The following CHD6 variants were observed in gnomAD, a reference collection of about 807,000 sequenced individuals.
The protein encoded by CHD6 is ATP-dependent chromatin remodeler CHD6.
CHD6 carries 50 observed loss-of-function variants against 276.9 expected under a neutral mutation model. That is an observed-to-expected ratio of 0.18 (90% CI 0.14 to 0.23). The LOEUF is 0.23. Ranked by LOEUF, CHD6 falls within the 10% of genes least tolerant of loss-of-function variation. The pLI is 1.00. For missense variants in CHD6, 2,564 were observed against 3,365.8 expected, an observed-to-expected ratio of 0.76 and a Z score of 5.89; for synonymous variants, 1,173 against 1,229.3, an observed-to-expected ratio of 0.95 and a Z score of 0.96.
At chr20:41,549,264 C>T (rs2146139441) in intron 2 of CHD6, among the ~76,000 whole-genome samples, 1 of 151,716 alleles carries the variant, frequency 6.6e-6, no homozygotes. Flanking sequence ...CAACGATAGA[C>T]TGGATTAAGA....
chr20:41,557,522 C>CA (rs944367329), intron 1 of CHD6, among the ~76,000 whole-genome samples: 6 of 151,524 alleles, frequency 4.0e-5, no homozygotes, highest in Admixed American at 3.3e-4. Flanking sequence ...TAAAAAATAA[C>CA]AAAAAAATCA....
intron 4 of CHD6, 128 bp downstream of exon 4, chr20:41,514,677 A>T: frequency 9.5e-7 from 1 of 1,053,762 alleles, no homozygotes; most frequent in Non-Finnish European, 1.4e-6. Context: ...ACCCACCAAA[A>T]CGGTAAAAGC....
Position 41,539,227 on chromosome 20 carries a change from A to G in CHD6, c.34-5657T>C, listed in dbSNP as rs539559231. On this transcript the variant is annotated intron_variant, in intron 2 of 36. Transcript: ENST00000373233. ...CTCTTCGCTTCTCACTGGCTCTGTG[A>G]GGTGTGCTGCTCTCTTCTCTCTAGG... Among the ~76,000 whole-genome samples the G allele has an allele frequency of 3.3e-5, 5 of 152,282 alleles. No homozygotes were observed. The South Asian group carries it at 1.0e-3, about 32-fold the overall frequency.
At chr20:41,545,101 T>C (rs2146123587) in intron 2 of CHD6, among the ~76,000 whole-genome samples, 1 of 152,156 alleles carries the variant, frequency 6.6e-6, no homozygotes, top group East Asian at 1.9e-4. Flanking sequence ...TGTCCTTCTT[T>C]ATATGAAGCC....
At chr20:41,595,539 T>C (rs1280230950) in intron 1 of CHD6, among the ~76,000 whole-genome samples, 1 of 151,730 alleles carries the variant, frequency 6.6e-6, no homozygotes, top group African/African-American at 2.4e-5. Context: ...GTGCAAGAAA[T>C]CTCTAGTAAG....
intron 3 of CHD6, among the ~76,000 whole-genome samples, chr20:41,529,420 G>A (rs190168800): frequency 6.6e-6 from 1 of 152,270 alleles, no homozygotes; most frequent in Admixed American, 6.5e-5. Flanking sequence ...ACACACATCT[G>A]TGAATGACCT....
chr20:41,541,720 G>A (rs921285289), intron 2 of CHD6, among the ~76,000 whole-genome samples: 1 of 152,196 alleles, frequency 6.6e-6, no homozygotes, highest in African/African-American at 2.4e-5. Flanking sequence ...GGTGTCAAAC[G>A]CTGCTGAGAA....
intron 3 of CHD6, among the ~76,000 whole-genome samples, chr20:41,519,406 G>A (rs1042366151): frequency 1.3e-5 from 2 of 152,220 alleles, no homozygotes; most frequent in South Asian, 2.1e-4. Flanking sequence ...TATATCACAC[G>A]ATATAAAAAC....
chr20:41,463,417 G>A (rs1473139918), intron 17 of CHD6, among the ~76,000 whole-genome samples: 1 of 152,106 alleles, frequency 6.6e-6, no homozygotes, highest in Non-Finnish European at 1.5e-5. Flanking sequence ...TATTTTCAAA[G>A]GGAAAAACAG....
intron 1 of CHD6, among the ~76,000 whole-genome samples, chr20:41,599,871 AT>A (rs1356221360): frequency 2.6e-5 from 4 of 152,258 alleles, no homozygotes; most frequent in African/African-American, 9.6e-5. Flanking sequence ...GCCTTATTCC[AT>A]TTTAAACACT....
intron 24 of CHD6, 44 bp from the exon 25 acceptor site, chr20:41,445,812 T>C (rs2048049269): frequency 7.1e-6 from 9 of 1,271,642 alleles, no homozygotes; most frequent in Non-Finnish European, 1.0e-5. Context: ...CAAAAGCTAC[T>C]GGTCCAACCC....
At chr20:41,488,212 C>A (rs911815921) in intron 13 of CHD6, among the ~76,000 whole-genome samples, 6 of 152,136 alleles carry the variant, frequency 3.9e-5, no homozygotes, top group African/African-American at 1.4e-4. Context: ...CCTCCTAAGT[C>A]TATGGAAATC....
chr20:41,498,811 A>G (rs6513723), intron 6 of CHD6, among the ~76,000 whole-genome samples: 13,445 of 86,110 alleles, frequency 0.16, 759 homozygotes, highest in East Asian at 0.33. Context: ...GTATGTATGT[A>G]TGTGTGTGTG....
intron 1 of CHD6, among the ~76,000 whole-genome samples, chr20:41,570,387 C>G (rs2045403959): frequency 6.6e-6 from 1 of 152,094 alleles, no homozygotes; most frequent in Admixed American, 6.6e-5. Context: ...AGGAACTGCC[C>G]AGATTCACCT....
At chr20:41,498,296 C>T (rs1311849704) in intron 6 of CHD6, 70 bp from the exon 7 acceptor site, 3 of 1,056,842 alleles carry the variant, frequency 2.8e-6, no homozygotes, top group Non-Finnish European at 4.3e-6. Flanking sequence ...CAAAAGAAAA[C>T]AGGTAATCAA....
chr20:41,560,800 G>C (rs955193512), intron 1 of CHD6, among the ~76,000 whole-genome samples: 1 of 148,374 alleles, frequency 6.7e-6, no homozygotes, highest in African/African-American at 2.5e-5. Context: ...CATGTACTTA[G>C]CTTAAGAATT....
At chr20:41,530,720 G>C (rs1354958801) in intron 3 of CHD6, among the ~76,000 whole-genome samples, 1 of 152,200 alleles carries the variant, frequency 6.6e-6, no homozygotes, top group Non-Finnish European at 1.5e-5. Context: ...GAACCCTGGA[G>C]TACATAGAAG....
chr20:41,482,125 T>C (rs2043309441), intron 16 of CHD6, among the ~76,000 whole-genome samples: 1 of 152,178 alleles, frequency 6.6e-6, no homozygotes, highest in South Asian at 2.1e-4. Context: ...AAGTCTGTTA[T>C]ATACACCTTT....
chr20:41,403,015 C>T lies in CHD6; in HGVS notation c.*1578G>A. ...TTGATTTTTTTCAGTCATGATTTAA[C>T]AGACTTCTTTGAGATGCTCATTTTA... On this transcript the variant is annotated 3_prime_UTR_variant, in exon 37 of 37. Transcript: ENST00000373233. The T allele has an allele frequency of 4.7e-6, 1 of 211,402 alleles. No homozygotes were observed. The highest frequency in any genetic ancestry group is 9.6e-6 in the Non-Finnish European group (1 of 104,296). The allele number at this position is 211,402 out of a possible 1,614,324, so 13.1% of individuals were successfully genotyped here.
Sources: gnomAD v4.1 joint callset for allele counts (sites outside exome capture counted in the v4.1 genomes callset) on GRCh38, gnomAD v4.1.1 for gene constraint, MANE v1.5 for transcripts, NCBI Gene and HGNC (gene_info 2026-07-23, HGNC 2026-07-21) for gene names.